IDH1: variants seen among roughly 807,000 people sequenced by gnomAD.
IDH1 encodes isocitrate dehydrogenase (NADP(+)) 1.
Under a neutral mutation model 46.1 loss-of-function variants are expected in IDH1, and 33 were observed. The ratio of observed to expected loss-of-function variants is 0.72; its 90% CI spans 0.54 to 0.96. The LOEUF (loss-of-function observed/expected upper bound fraction) is 0.96, where lower values mean the gene tolerates loss of function less well. IDH1 is among the 40% of genes least tolerant of loss of function. The probability of loss-of-function intolerance (pLI) is 0.00; values close to 1 mark genes in which losing one functional copy is unlikely to be tolerated. For synonymous variants in IDH1, 144 were observed against 172.8 expected, an observed-to-expected ratio of 0.83 and a Z score of 1.31; for missense variants, 421 against 515.7, an observed-to-expected ratio of 0.82 and a Z score of 1.78.
At chr2:208,242,974 C>T (rs1687948699) in intron 6 of IDH1, among the ~76,000 whole-genome samples, 1 of 152,056 alleles carries the variant, frequency 6.6e-6, no homozygotes, top group Admixed American at 6.5e-5. Context: ...CCGTGTTAGC[C>T]AGGATGGTCT....
In IDH1 at chr2:208,242,073, T is replaced by C. The variant is rs1046055605; in HGVS notation, c.771A>G (p.Gln257=). The change falls in exon 7 of 10, where the codon CAA becomes CAG. Residue 257 remains glutamine (Q), a synonymous_variant. Transcript: ENST00000345146. Reference sequence around the variant, plus strand: ...TGAAGCCTCCCTCTGATTTCATAGCTTGGGCCACCATGTCGTCGATGAGCC... The same window carrying C: ...TGAAGCCTCCCTCTGATTTCATAGCCTGGGCCACCATGTCGTCGATGAGCC... ...EHRLIDDMVA[Q]AMKSEGGFIW... is the part of the protein sequence containing the mutation. 7 of 1,613,530 alleles carry C rather than the reference T, an allele frequency of 4.3e-6. No individual in the cohort carries two copies. Among genetic ancestry groups the C allele is most frequent in the Non-Finnish European group, 5.9e-6 (7 of 1,179,876 alleles).
intron 7 of IDH1, among the ~76,000 whole-genome samples, chr2:208,240,653 A>G (rs1426725752): frequency 1.3e-5 from 2 of 152,160 alleles, no homozygotes; most frequent in African/African-American, 4.8e-5. Flanking sequence ...TCAGTACAAC[A>G]GTTCTCTTCT....
In IDH1 at chr2:208,248,628, G is replaced by A. The variant is rs2124863955; in HGVS notation, c.155C>T (p.Thr52Ile). The change falls in exon 4 of 10, where the codon ACC becomes ATC. Residue 52 changes from threonine (T) to isoleucine (I), a missense_variant. Coordinates refer to ENST00000345146, the MANE Select transcript of IDH1 (RefSeq NM_005896.4). ...YDLGIENRDATNDQVTKDAAE... is the reference protein window; with the variant it reads ...YDLGIENRDAINDQVTKDAAE... The stretch of plus-strand genomic sequence containing the variant: ...AGCATCCTTGGTGACTTGGTCGTTG[G>A]TGGCATCACGATTCTCTATGCCTAA... The A allele has an allele frequency of 6.2e-7, 1 of 1,614,182 alleles. No individual in the cohort carries two copies. Among genetic ancestry groups the A allele is most frequent in the Non-Finnish European group, 8.5e-7 (1 of 1,180,024 alleles).
At chr2:208,248,195 CCTTTAGCT>C in intron 4 of IDH1, 166 bp downstream of exon 4, 1 of 619,472 alleles carries the variant, frequency 1.6e-6, no homozygotes, top group Non-Finnish European at 2.8e-6. Context: ...TTTGTATTTG[CCTTTAGCT>C]AAATGTGTGT....
In IDH1 at chr2:208,243,516, C is replaced by T. The variant is rs2124853946; in HGVS notation, c.609G>A (p.Lys203=). ...TGGTGCTCAGATACAAAGGCCAACC[C>T]TTAGACAGAGCCATTTGGAAGGAAC... ...AHSSFQMALS[K]GWPLYLSTKN... is the part of the protein sequence containing the mutation. Residue 203 remains lysine (K), a synonymous_variant, in exon 6 of 10, where the codon AAG becomes AAA. Coordinates refer to ENST00000345146, the MANE Select transcript of IDH1 (RefSeq NM_005896.4). 2 of 1,613,876 alleles carry T rather than the reference C, an allele frequency of 1.2e-6. No homozygotes were observed. The highest frequency in any genetic ancestry group is 2.2e-5 in the East Asian group (1 of 44,878).
intron 5 of IDH1, among the ~76,000 whole-genome samples, chr2:208,244,289 T>C (rs1377429010): frequency 1.3e-5 from 2 of 152,242 alleles, no homozygotes; most frequent in Non-Finnish European, 2.9e-5. Context: ...TGCAGAACCA[T>C]GAGCCAATTA....
intron 4 of IDH1, among the ~76,000 whole-genome samples, chr2:208,245,786 C>G (rs1392446937): frequency 2.4e-5 from 1 of 40,954 alleles, no homozygotes; most frequent in African/African-American, 5.8e-5. Flanking sequence ...TAGACCCCCC[C>G]CCCAAAAAAA....
intron 5 of IDH1, among the ~76,000 whole-genome samples, chr2:208,244,866 T>C (rs1230373261): frequency 3.9e-5 from 6 of 152,248 alleles, no homozygotes. Context: ...GCAAATGTTC[T>C]ACTTTTTCAC....
chr2:208,254,377 T>A (rs976784202), intron 1 of IDH1: 1 of 106,182 alleles, frequency 9.4e-6, no homozygotes, highest in Non-Finnish European at 1.9e-5. Flanking sequence ...CTGGCGGGGG[T>A]GTTTCCCCCA....
At chr2:208,238,473 T>A (rs1687859671) in intron 9 of IDH1, among the ~76,000 whole-genome samples, 1 of 152,236 alleles carries the variant, frequency 6.6e-6, no homozygotes. Context: ...CCCAGGATAC[T>A]GGCTACTATG....
intron 7 of IDH1, among the ~76,000 whole-genome samples, chr2:208,240,781 A>G (rs965915546): frequency 6.6e-6 from 1 of 152,178 alleles, no homozygotes; most frequent in Non-Finnish European, 1.5e-5. Context: ...TCAACCACGG[A>G]GTCATCACAA....
At position 208,236,732 on chromosome 2, in the gene IDH1, C is replaced by T; in HGVS notation, c.*347G>A. 1 of 328,118 alleles carries T rather than the reference C, an allele frequency of 3.0e-6. No homozygotes were observed. Among genetic ancestry groups the T allele is most frequent in the Admixed American group, 4.6e-5 (1 of 21,762 alleles). 20.3% of individuals were successfully genotyped at this position (328,118 alleles called of 1,614,324 possible). On this transcript the variant is annotated 3_prime_UTR_variant, in exon 10 of 10. Transcript: ENST00000345146. ...TCTACTTTATGCATATTTTAGGGAG[C>T]AATACTGTGGCTATCATTTACCCTT...
intron 5 of IDH1, among the ~76,000 whole-genome samples, chr2:208,244,588 A>C (rs1687982672): frequency 6.6e-6 from 1 of 152,192 alleles, no homozygotes. Flanking sequence ...TTATTACTTA[A>C]AGATAGAACT....
At chr2:208,244,129 T>C (rs116516330) in intron 5 of IDH1, among the ~76,000 whole-genome samples, 5,374 of 152,218 alleles carry the variant, frequency 0.035, 258 homozygotes, top group South Asian at 0.094. Context: ...TGAAATCTGG[T>C]TGTTTAAGAG....
At position 208,248,742 on chromosome 2, in the gene IDH1, C is replaced by T. The variant is rs1042678157; in HGVS notation, c.123-82G>A. The T allele has an allele frequency of 3.8e-6, 5 of 1,306,434 alleles. No individual in the cohort carries two copies. The African/African-American group carries it at 5.8e-5, about 15-fold the overall frequency. 80.9% of individuals were successfully genotyped at this position (1,306,434 alleles called of 1,614,324 possible). A position where few individuals can be genotyped will look rare whatever the true frequency, so the allele number is the denominator to read the frequency against. Reference sequence around the variant, plus strand: ...ACAACTGCAGTGATGGCATATAGAGCTCATTATGCAGAAAGCGAAGGCTCT... The same window carrying T: ...ACAACTGCAGTGATGGCATATAGAGTTCATTATGCAGAAAGCGAAGGCTCT... On this transcript the variant is annotated intron_variant, in intron 3 of 9. Coordinates refer to ENST00000345146, the MANE Select transcript of IDH1 (RefSeq NM_005896.4).
At chr2:208,248,153 T>C (rs965798887) in intron 4 of IDH1, 1 of 583,130 alleles carries the variant, frequency 1.7e-6, no homozygotes, top group African/African-American at 1.9e-5. Flanking sequence ...TGAAAAAAAA[T>C]GTGTTGAGAT....
intron 7 of IDH1, among the ~76,000 whole-genome samples, chr2:208,241,342 A>AGC (rs1224635009): frequency 2.6e-5 from 4 of 151,184 alleles, no homozygotes; most frequent in Non-Finnish European, 5.9e-5. Context: ...CTCATGCTTT[A>AGC]GCCTCCTGAG....
chr2:208,252,816 C>T (rs375645761), intron 2 of IDH1, among the ~76,000 whole-genome samples: 6 of 152,182 alleles, frequency 3.9e-5, no homozygotes, highest in Admixed American at 2.6e-4. Flanking sequence ...TTCCCAAATT[C>T]GCAATTCTAG....
At chr2:208,251,237 T>C in intron 3 of IDH1, 193 bp downstream of exon 3, 1 of 489,590 alleles carries the variant, frequency 2.0e-6, no homozygotes, top group African/African-American at 2.0e-5. Context: ...TTCCTGTTTC[T>C]CCTTCCCTTT....
Sources: allele counts gnomAD v4.1 joint callset (sites outside exome capture counted in the v4.1 genomes callset), GRCh38; gene constraint gnomAD v4.1.1; transcripts MANE v1.5; gene names NCBI Gene and HGNC (gene_info 2026-07-23, HGNC 2026-07-21).